The following COLQ variants were observed in gnomAD, a reference collection of about 807,000 sequenced individuals.
COLQ encodes the protein acetylcholinesterase collagenic tail peptide.
Under a neutral mutation model 69.0 loss-of-function variants are expected in COLQ, and 48 were observed. The ratio of observed to expected loss-of-function variants is 0.70; its 90% CI spans 0.55 to 0.88. COLQ has a LOEUF of 0.88. Ranked by LOEUF, COLQ falls within the 40% of genes least tolerant of loss-of-function variation. The pLI, the probability that COLQ is intolerant of heterozygous loss-of-function variation, is 0.00. For missense variants in COLQ, 618 were observed against 594.6 expected, an observed-to-expected ratio of 1.04 and a Z score of -0.41; for synonymous variants, 217 against 211.2, an observed-to-expected ratio of 1.03 and a Z score of -0.24.
intron 5 of COLQ, 28 bp downstream of exon 5, chr3:15,478,949 G>A (rs767597185): frequency 1.2e-6 from 2 of 1,614,120 alleles, no homozygotes; most frequent in South Asian, 2.2e-5. Flanking sequence ...ACGCTCATGT[G>A]ACACTCACAG....
chr3:15,507,006 G>A (rs967387950), intron 1 of COLQ: 2 of 152,140 alleles, frequency 1.3e-5, no homozygotes, highest in Non-Finnish European at 2.9e-5. Flanking sequence ...TTGCTACGTT[G>A]CCTAGGCTGG....
At chr3:15,504,733 G>A (rs1458133044) in intron 1 of COLQ, among the ~76,000 whole-genome samples, 1 of 152,196 alleles carries the variant, frequency 6.6e-6, no homozygotes, top group Admixed American at 6.5e-5. Context: ...GGTGGTGGGT[G>A]CCTGTAATCC....
At chr3:15,469,441 T>C (rs2062247852) in intron 11 of COLQ, among the ~76,000 whole-genome samples, 1 of 152,188 alleles carries the variant, frequency 6.6e-6, no homozygotes, top group African/African-American at 2.4e-5. Context: ...TTTTAAGAAA[T>C]TGGTATCTGT....
At chr3:15,474,841 C>T in intron 8 of COLQ, 84 bp downstream of exon 8, 1 of 1,489,792 alleles carries the variant, frequency 6.7e-7, no homozygotes, top group Non-Finnish European at 9.4e-7. Flanking sequence ...AAAGAGAGAC[C>T]TGGACCCATT....
rs770933718 is a variant in COLQ at position 15,521,589 on chromosome 3, G to C, written c.37C>G (p.Leu13Val). The change falls in exon 1 of 17, where the codon CTT becomes GTT. Residue 13 changes from leucine to valine, a missense_variant. By Grantham distance (32) the Leu-to-Val change is conservative (BLOSUM62 1). Transcript: ENST00000383788. ...VLNPMTLGIY[L>V]QLFFLSIVSQ... is the part of the protein sequence containing the mutation. ...ACGATAGAGAGGAAGAAAAGCTGAA[G>C]ATAAATTCCCAAAGTCATTGGATTC... 6.2e-7 allele frequency: 1 copy of C among 1,614,222 alleles called. No individual in the cohort carries two copies. The highest frequency in any genetic ancestry group is 1.7e-5 in the Admixed American group (1 of 60,030).
intron 12 of COLQ, among the ~76,000 whole-genome samples, chr3:15,461,567 G>A (rs1272220337): frequency 1.3e-5 from 2 of 152,140 alleles, no homozygotes; most frequent in Admixed American, 1.3e-4. Context: ...GGCTGCCTCA[G>A]TGGGAAAGGA....
chr3:15,455,875 C>A (rs757951378), intron 15 of COLQ, 24 bp downstream of exon 15: 2 of 1,613,934 alleles, frequency 1.2e-6, no homozygotes, highest in Admixed American at 1.7e-5. Context: ...GGCCTCAGGT[C>A]CTCCTGGTCT....
chr3:15,494,752 T>C (rs1041125055), intron 1 of COLQ, among the ~76,000 whole-genome samples: 3 of 152,182 alleles, frequency 2.0e-5, no homozygotes, highest in Admixed American at 6.5e-5. Context: ...GAAAAACTAT[T>C]TCCTTGTATC....
chr3:15,451,967 A>G (rs968330117), intron 16 of COLQ, among the ~76,000 whole-genome samples: 108 of 152,304 alleles, frequency 7.1e-4, no homozygotes, highest in African/African-American at 2.5e-3. Flanking sequence ...CCCCCTTGCT[A>G]CGATGCAGCC....
chr3:15,476,320 G>A (rs760587685), intron 6 of COLQ, among the ~76,000 whole-genome samples: 1 of 152,172 alleles, frequency 6.6e-6, no homozygotes, highest in South Asian at 2.1e-4. Context: ...TTTAGTAAAG[G>A]TTAATTCAAA....
intron 1 of COLQ, among the ~76,000 whole-genome samples, chr3:15,520,523 T>C (rs1026571828): frequency 6.6e-6 from 1 of 152,138 alleles, no homozygotes; most frequent in African/African-American, 2.4e-5. Context: ...GCAGCGATAG[T>C]GAAATTTCTG....
At chr3:15,504,137 G>C (rs1410544280) in intron 1 of COLQ, among the ~76,000 whole-genome samples, 2 of 152,062 alleles carry the variant, frequency 1.3e-5, no homozygotes, top group East Asian at 3.9e-4. Flanking sequence ...TGACAAATCT[G>C]CAACTCACTT....
chr3:15,498,091 G>C (rs1183128143), intron 1 of COLQ, among the ~76,000 whole-genome samples: 1 of 152,172 alleles, frequency 6.6e-6, no homozygotes, highest in Non-Finnish European at 1.5e-5. Flanking sequence ...AAGAGTGATG[G>C]AGACTGTCTC....
At chr3:15,479,136 C>T in intron 4 of COLQ, 133 bp from the exon 5 acceptor site, 1 of 1,224,854 alleles carries the variant, frequency 8.2e-7, no homozygotes, top group Non-Finnish European at 1.2e-6. Context: ...GGCCCCTCTG[C>T]CATGTCGATA....
intron 1 of COLQ, among the ~76,000 whole-genome samples, chr3:15,516,218 A>C (rs990184033): frequency 6.6e-6 from 1 of 152,198 alleles, no homozygotes; most frequent in African/African-American, 2.4e-5. Flanking sequence ...TGCATTACGG[A>C]GCATTAAACA....
At position 15,470,613 on chromosome 3, in the gene COLQ, C is replaced by A. The variant is rs104893733; in HGVS notation, c.640G>T (p.Glu214Ter). ...CCAGGTTCACCTTTTGGACCCATTT[C>A]ACCCTGGAAAGAAGGAAAGAGAAGC... The part of the protein sequence containing the change: ...GFPGMLGQKG[E>*]MGPKGEPGIA... Residue 214 changes from glutamate (E) to a stop codon, truncating the protein, a stop_gained, in exon 11 of 17, where the codon GAA (glutamate) becomes TAA (stop). Coordinates refer to ENST00000383788, the MANE Select transcript of COLQ (RefSeq NM_005677.4). LOFTEE classifies it high-confidence loss of function. 8 of 1,613,992 alleles carry A rather than the reference C, an allele frequency of 5.0e-6. No individual in the cohort carries two copies. The Admixed American group carries it at 1.3e-4, about 27-fold the overall frequency.
chr3:15,453,764 G>C, intron 16 of COLQ, 65 bp downstream of exon 16: 1 of 1,080,144 alleles, frequency 9.3e-7, no homozygotes. Flanking sequence ...GTGAAGGAAA[G>C]AAGGAAAGCA....
intron 3 of COLQ, 37 bp from the exon 4 acceptor site, chr3:15,479,419 T>A (rs755462209): frequency 1.2e-6 from 2 of 1,607,064 alleles, no homozygotes; most frequent in South Asian, 1.1e-5. Flanking sequence ...AAAGTATATA[T>A]CAGTCTGAAG....
At chr3:15,503,853 A>T (rs1450013816) in intron 1 of COLQ, among the ~76,000 whole-genome samples, 1 of 152,038 alleles carries the variant, frequency 6.6e-6, no homozygotes, top group African/African-American at 2.4e-5. Context: ...ACCTAGAGAG[A>T]ATGAGCAGGA....
Sources: gnomAD v4.1 joint callset for allele counts (sites outside exome capture counted in the v4.1 genomes callset) on GRCh38, gnomAD v4.1.1 for gene constraint, MANE v1.5 for transcripts, NCBI Gene and HGNC (gene_info 2026-07-23, HGNC 2026-07-21) for gene names.